PLCL1: variants seen among roughly 807,000 people sequenced by gnomAD.
PLCL1 encodes inactive phospholipase C-like protein 1.
Under a neutral mutation model 84.4 loss-of-function variants are expected in PLCL1, and 41 were observed. That is an observed-to-expected ratio of 0.49 (90% confidence interval 0.38 to 0.63). The LOEUF (loss-of-function observed/expected upper bound fraction) is 0.63. Among genes scored for constraint, PLCL1 ranks in the 30% least tolerant of loss-of-function variants. The pLI is 0.00. For synonymous variants in PLCL1, 490 were observed against 488.3 expected (o/e 1.00, Z -0.05); for missense variants, 1,206 against 1,367.8 (o/e 0.88, Z 1.87).
At chr2:197,976,043 C>A (rs1187522106) in intron 1 of PLCL1, among the ~76,000 whole-genome samples, 1 of 152,178 alleles carries the variant, frequency 6.6e-6, no homozygotes, top group Non-Finnish European at 1.5e-5. Context: ...TATTTCCCTA[C>A]ACTCTTGCCA....
intron 1 of PLCL1, among the ~76,000 whole-genome samples, chr2:197,901,378 A>G (rs1292704400): frequency 6.6e-6 from 1 of 152,204 alleles, no homozygotes; most frequent in East Asian, 1.9e-4. Flanking sequence ...AATAAAATAA[A>G]AGCTGGTGAG....
rs1290735692 is a variant in PLCL1 at position 197,938,651 on chromosome 2, C to T, written c.240+133312C>T. On this transcript the variant is annotated intron_variant, in intron 1 of 5. Coordinates refer to ENST00000428675, the MANE Select transcript of PLCL1 (RefSeq NM_006226.4). Reference sequence around the variant, plus strand: ...GGGGAAAGGGCCAGGGGAACACATACCTAGTCCTTTCAAGGGGAATACCTG... The same window carrying T: ...GGGGAAAGGGCCAGGGGAACACATATCTAGTCCTTTCAAGGGGAATACCTG... 5.9e-5 allele frequency among the ~76,000 whole-genome samples: 9 copies of T among 152,222 alleles called. No individual in the cohort carries two copies. In the South Asian group the frequency reaches 1.2e-3, roughly 21 times the overall value.
chr2:197,936,390 G>A (rs1356695482), intron 1 of PLCL1, among the ~76,000 whole-genome samples: 6 of 152,034 alleles, frequency 3.9e-5, no homozygotes, highest in Admixed American at 3.9e-4. Context: ...CAATGTACAA[G>A]CCTTTCCTTT....
intron 1 of PLCL1, among the ~76,000 whole-genome samples, chr2:197,931,837 G>A (rs1382403905): frequency 6.6e-6 from 1 of 152,090 alleles, no homozygotes; most frequent in Non-Finnish European, 1.5e-5. Context: ...TACTACACAG[G>A]TCAGTTGAAC....
chr2:198,066,378 C>T (rs895976514), intron 1 of PLCL1, among the ~76,000 whole-genome samples: 2 of 152,174 alleles, frequency 1.3e-5, no homozygotes, highest in African/African-American at 4.8e-5. Context: ...ACAAGCAGCT[C>T]CTCCAGCCTC....
intron 3 of PLCL1, among the ~76,000 whole-genome samples, chr2:198,093,838 A>C (rs1693115761): frequency 1.3e-5 from 2 of 152,320 alleles, no homozygotes; most frequent in East Asian, 3.9e-4. Flanking sequence ...ACTTGAGTGC[A>C]TCAAATTATA....
At chr2:197,829,384 T>C (rs1402943333) in intron 1 of PLCL1, among the ~76,000 whole-genome samples, 1 of 152,146 alleles carries the variant, frequency 6.6e-6, no homozygotes, top group Non-Finnish European at 1.5e-5. Context: ...CCACCTCTCA[T>C]ATTGGTGTTT....
At chr2:197,813,059 A>G (rs567804861) in intron 1 of PLCL1, among the ~76,000 whole-genome samples, 76 of 152,318 alleles carry the variant, frequency 5.0e-4, no homozygotes, top group Admixed American at 1.0e-3. Context: ...AGGGCTAGAC[A>G]ATAAGGAGTC....
intron 1 of PLCL1, among the ~76,000 whole-genome samples, chr2:198,021,597 C>G (rs998972411): frequency 6.6e-6 from 1 of 152,176 alleles, no homozygotes; most frequent in Non-Finnish European, 1.5e-5. Flanking sequence ...AAACTACCAT[C>G]GGAGAATACT....
At chr2:197,868,936 C>T (rs997876296) in intron 1 of PLCL1, among the ~76,000 whole-genome samples, 6 of 152,022 alleles carry the variant, frequency 3.9e-5, no homozygotes, top group Non-Finnish European at 7.4e-5. Flanking sequence ...TTTATTAATA[C>T]CTAAATGATT....
chr2:198,083,849 G>T lies in PLCL1; in HGVS notation c.332G>T (p.Cys111Phe). The T allele has an allele frequency of 6.2e-7, 1 of 1,613,910 alleles. No individual in the cohort carries two copies. Among genetic ancestry groups the T allele is most frequent in the Non-Finnish European group, 8.5e-7 (1 of 1,179,776 alleles). ...AAGAAAATTAGCAGTGCAAATGACT[G>T]CATCAGCTTCATGCAAGCTGGCTGT... ...SEKKISSAND[C>F]ISFMQAGCEL... Residue 111 changes from cysteine to phenylalanine, a missense_variant, in exon 2 of 6, where the codon TGC becomes TTC. Cys to Phe is a radical substitution (Grantham distance 205). Coordinates refer to ENST00000428675, the MANE Select transcript of PLCL1 (RefSeq NM_006226.4).
chr2:197,943,261 C>G (rs967301887), intron 1 of PLCL1, among the ~76,000 whole-genome samples: 6 of 149,216 alleles, frequency 4.0e-5, no homozygotes, highest in Non-Finnish European at 5.9e-5. Flanking sequence ...AATTTATAAA[C>G]TATTTTTATT....
intron 1 of PLCL1, among the ~76,000 whole-genome samples, chr2:198,056,348 T>A (rs1259191549): frequency 6.6e-6 from 1 of 152,230 alleles, no homozygotes; most frequent in African/African-American, 2.4e-5. Context: ...AAAAGATTGG[T>A]GTTTGATCGG....
intron 1 of PLCL1, among the ~76,000 whole-genome samples, chr2:198,009,073 A>G (rs960704538): frequency 1.3e-5 from 2 of 151,914 alleles, no homozygotes; most frequent in Non-Finnish European, 2.9e-5. Context: ...AAAGTTTCTT[A>G]TATATTTTGG....
At chr2:198,102,251 G>C (rs987504993) in intron 4 of PLCL1, among the ~76,000 whole-genome samples, 1 of 152,026 alleles carries the variant, frequency 6.6e-6, no homozygotes, top group Non-Finnish European at 1.5e-5. Flanking sequence ...ACTGCTCTGA[G>C]ATCTTTATAT....
intron 1 of PLCL1, among the ~76,000 whole-genome samples, chr2:197,882,919 G>A (rs780763188): frequency 1.1e-4 from 16 of 152,112 alleles, no homozygotes; most frequent in Non-Finnish European, 1.3e-4. Flanking sequence ...CATTATGGAC[G>A]TATTTTACAG....
intron 2 of PLCL1, among the ~76,000 whole-genome samples, chr2:198,087,760 A>G (rs763541770): frequency 5.9e-5 from 9 of 152,172 alleles, no homozygotes; most frequent in Non-Finnish European, 8.8e-5. Flanking sequence ...CTTATTTCAT[A>G]TTGCATGCCT....
At chr2:198,031,789 G>C (rs937363733) in intron 1 of PLCL1, among the ~76,000 whole-genome samples, 4 of 150,992 alleles carry the variant, frequency 2.6e-5, no homozygotes, top group African/African-American at 4.9e-5. Flanking sequence ...TTATTTCATG[G>C]GTTCTCAATA....
At chr2:197,891,215 G>A (rs1294025962) in intron 1 of PLCL1, among the ~76,000 whole-genome samples, 1 of 152,160 alleles carries the variant, frequency 6.6e-6, no homozygotes, top group Non-Finnish European at 1.5e-5. Flanking sequence ...AATACTGTGT[G>A]AGGTGGACAA....
Sources: allele counts gnomAD v4.1 joint callset (sites outside exome capture counted in the v4.1 genomes callset), GRCh38; gene constraint gnomAD v4.1.1; transcripts MANE v1.5; gene names NCBI Gene and HGNC (gene_info 2026-07-23, HGNC 2026-07-21).